ASAP2: variants seen among roughly 807,000 people sequenced by gnomAD.
ASAP2 encodes arf-GAP with SH3 domain, ANK repeat and PH domain-containing protein 2.
Under a neutral mutation model 131.4 loss-of-function variants are expected in ASAP2, and 45 were observed. The ratio of observed to expected loss-of-function variants is 0.34; its 90% CI spans 0.27 to 0.44. ASAP2 has a LOEUF of 0.44. ASAP2 is among the 20% of genes least tolerant of loss of function. The pLI, the probability that ASAP2 is intolerant of heterozygous loss-of-function variation, is 1.00. For synonymous variants in ASAP2, 510 were observed against 503.0 expected, an observed-to-expected ratio of 1.01 and a Z score of -0.19; for missense variants, 1,011 against 1,297.0, an observed-to-expected ratio of 0.78 and a Z score of 3.39.
At chr2:9,212,695 A>G (rs1348173799) in intron 1 of ASAP2, among the ~76,000 whole-genome samples, 1 of 152,122 alleles carries the variant, frequency 6.6e-6, no homozygotes, top group Non-Finnish European at 1.5e-5. Context: ...GAGGCAGCCT[A>G]AGACAAATCC....
intron 7 of ASAP2, among the ~76,000 whole-genome samples, chr2:9,333,181 T>C (rs1670954405): frequency 6.6e-6 from 1 of 152,248 alleles, no homozygotes; most frequent in Non-Finnish European, 1.5e-5. Context: ...GATCACTTTT[T>C]AAAGATAGTC....
intron 1 of ASAP2, chr2:9,271,403 G>C: frequency 7.1e-7 from 1 of 1,414,788 alleles, no homozygotes; most frequent in South Asian, 1.2e-5. Context: ...CCATATTCTG[G>C]ATGCTCAATT....
chr2:9,399,964 T>G, intron 24 of ASAP2, 59 bp from the exon 25 acceptor site: 606 of 1,542,242 alleles, frequency 3.9e-4, no homozygotes, highest in Non-Finnish European at 5.0e-4. Context: ...TAAAAGGGGA[T>G]GAGAAAGGGG....
chr2:9,320,408 C>A, intron 5 of ASAP2, 71 bp downstream of exon 5: 2 of 1,133,256 alleles, frequency 1.8e-6, no homozygotes, highest in Non-Finnish European at 2.6e-6. Context: ...CCTCGTATTG[C>A]TTAAAGGGAT....
At chr2:9,284,021 C>T (rs1370146614) in intron 2 of ASAP2, among the ~76,000 whole-genome samples, 1 of 152,222 alleles carries the variant, frequency 6.6e-6, no homozygotes, top group East Asian at 1.9e-4. Context: ...TCTTCTGCCT[C>T]CCTCTTCTAC....
chr2:9,269,390 G>A (rs1666178841), intron 1 of ASAP2, among the ~76,000 whole-genome samples: 1 of 152,168 alleles, frequency 6.6e-6, no homozygotes, highest in African/African-American at 2.4e-5. Context: ...AAGCTGTCCC[G>A]CAGGCCGTGT....
intron 1 of ASAP2, among the ~76,000 whole-genome samples, chr2:9,223,138 C>T (rs1485493253): frequency 1.3e-5 from 2 of 152,196 alleles, no homozygotes; most frequent in Admixed American, 6.5e-5. Context: ...CCTTTCCTAC[C>T]ACTCTGACTC....
intron 3 of ASAP2, among the ~76,000 whole-genome samples, chr2:9,300,407 A>C (rs1036590367): frequency 2.6e-5 from 4 of 152,238 alleles, no homozygotes; most frequent in African/African-American, 9.6e-5. Context: ...TCCTTTATAA[A>C]ATTTCCTGCA....
chr2:9,268,840 C>T lies in ASAP2; in HGVS notation c.127-10477C>T, dbSNP rs1340116929. Among the ~76,000 whole-genome samples the T allele has an allele frequency of 6.6e-6, 1 of 152,196 alleles. No homozygotes were observed. The highest frequency in any genetic ancestry group is 2.4e-5 in the African/African-American group (1 of 41,438). On this transcript the variant is annotated intron_variant, in intron 1 of 27. Transcript: ENST00000281419. The surrounding 1 kb of genome is among the most constrained non-coding windows in gnomAD (Gnocchi z 4.1). ...GCTGCCTGAGTGCTGCAGGCCTCTG[C>T]TCTCCCCAGGGCAGCATCTTCGGGT... is the stretch of plus-strand genomic sequence containing the variant.
intron 9 of ASAP2, among the ~76,000 whole-genome samples, chr2:9,342,213 C>G (rs1215476162): frequency 6.6e-6 from 1 of 152,130 alleles, no homozygotes. Flanking sequence ...CAAAACAATC[C>G]TGAAAAAGAA....
At chr2:9,390,199 A>G (rs1675612882) in intron 22 of ASAP2, among the ~76,000 whole-genome samples, 1 of 152,060 alleles carries the variant, frequency 6.6e-6, no homozygotes, top group Non-Finnish European at 1.5e-5. Context: ...CTTACCTGCC[A>G]TCTCCACCAT....
chr2:9,255,766 C>G (rs1665111847), intron 1 of ASAP2, among the ~76,000 whole-genome samples: 1 of 152,158 alleles, frequency 6.6e-6, no homozygotes, highest in African/African-American at 2.4e-5. Context: ...AAATTTCCAA[C>G]AGTTGTTAAA....
intron 3 of ASAP2, among the ~76,000 whole-genome samples, chr2:9,312,882 C>T (rs1039953151): frequency 2.6e-5 from 4 of 152,058 alleles, no homozygotes; most frequent in Admixed American, 6.6e-5. Context: ...GATGAAACCC[C>T]GTCTCTACTA....
intron 1 of ASAP2, among the ~76,000 whole-genome samples, chr2:9,221,244 G>C (rs1271149348): frequency 6.6e-6 from 1 of 151,948 alleles, no homozygotes; most frequent in Admixed American, 6.6e-5. Flanking sequence ...TTCAATTTGG[G>C]GAGTATAGAC....
rs916111084 is a variant in ASAP2 at position 9,232,973 on chromosome 2, G to C, written c.126+25743G>C. On this transcript the variant is annotated intron_variant, in intron 1 of 27. Coordinates refer to ENST00000281419, the MANE Select transcript of ASAP2 (RefSeq NM_003887.3). The surrounding 1 kb of genome is among the most constrained non-coding windows in gnomAD (Gnocchi z 4.1). ...GCTGCAGTTTTGTTCTGTATCTATTGCCAGCAGGAATCCAAGGATTTCCTT... is the reference window on the plus strand; with the variant it reads ...GCTGCAGTTTTGTTCTGTATCTATTCCCAGCAGGAATCCAAGGATTTCCTT... 6.6e-6 allele frequency among the ~76,000 whole-genome samples: 1 copy of C among 152,204 alleles called. No homozygotes were observed. Among genetic ancestry groups the C allele is most frequent in the African/African-American group, 2.4e-5 (1 of 41,456 alleles).
At chr2:9,371,854 C>T (rs969250312) in intron 16 of ASAP2, among the ~76,000 whole-genome samples, 36 of 152,214 alleles carry the variant, frequency 2.4e-4, no homozygotes, top group African/African-American at 7.9e-4. Context: ...CGGTGGCTCA[C>T]GCCTGTAATC....
intron 1 of ASAP2, among the ~76,000 whole-genome samples, chr2:9,243,144 T>C (rs1161151781): frequency 1.3e-5 from 2 of 152,230 alleles, no homozygotes; most frequent in African/African-American, 2.4e-5. Flanking sequence ...AGTCTTGCTC[T>C]GTCGCCCAGG....
intron 15 of ASAP2, among the ~76,000 whole-genome samples, chr2:9,361,173 A>C: frequency 6.6e-6 from 1 of 152,210 alleles, no homozygotes; most frequent in Non-Finnish European, 1.5e-5. Context: ...CTGCTTAATC[A>C]ATGTCTGCAG....
At chr2:9,331,962 C>A (rs1670870859) in intron 7 of ASAP2, among the ~76,000 whole-genome samples, 1 of 152,052 alleles carries the variant, frequency 6.6e-6, no homozygotes, top group African/African-American at 2.4e-5. Flanking sequence ...CAGACAGACC[C>A]CATCAGCAGA....
Sources: allele counts gnomAD v4.1 joint callset (sites outside exome capture counted in the v4.1 genomes callset), GRCh38; gene constraint gnomAD v4.1.1; non-coding constraint Gnocchi (gnomAD v3.1); transcripts MANE v1.5; gene names NCBI Gene and HGNC (gene_info 2026-07-23, HGNC 2026-07-21).